PCOLCE2: variants seen among roughly 807,000 people sequenced by gnomAD.
PCOLCE2 encodes procollagen C-endopeptidase enhancer 2, also known as procollagen C-proteinase enhancer 2.
Under a neutral mutation model 47.0 loss-of-function variants are expected in PCOLCE2, and 42 were observed. The ratio of observed to expected loss-of-function variants is 0.89; its 90% CI spans 0.70 to 1.16. The LOEUF is 1.16. Among genes scored for constraint, PCOLCE2 ranks in the 50% most tolerant of loss-of-function variants. The pLI, the probability that PCOLCE2 is intolerant of heterozygous loss-of-function variation, is 0.00. For synonymous variants in PCOLCE2, 169 were observed against 191.7 expected (o/e 0.88, Z 0.98); for missense variants, 500 against 526.1 (o/e 0.95, Z 0.49).
chr3:142,827,972 C>T (rs561724322), intron 6 of PCOLCE2, among the ~76,000 whole-genome samples: 1 of 152,320 alleles, frequency 6.6e-6, no homozygotes, highest in Non-Finnish European at 1.5e-5. Flanking sequence ...CCTCCCTAGT[C>T]CAATGAATCA....
intron 2 of PCOLCE2, among the ~76,000 whole-genome samples, chr3:142,877,955 A>G (rs1234987118): frequency 6.6e-6 from 1 of 152,210 alleles, no homozygotes; most frequent in Non-Finnish European, 1.5e-5. Flanking sequence ...ATTTATTTGG[A>G]GGAGCTCAAC....
intron 2 of PCOLCE2, among the ~76,000 whole-genome samples, chr3:142,865,797 T>C (rs1314826359): frequency 6.6e-6 from 1 of 152,248 alleles, no homozygotes; most frequent in African/African-American, 2.4e-5. Context: ...ATAATTTGTG[T>C]GACTGGATAG....
chr3:142,836,112 CT>C (rs1937200656), intron 5 of PCOLCE2, among the ~76,000 whole-genome samples: 1 of 152,132 alleles, frequency 6.6e-6, no homozygotes, highest in Non-Finnish European at 1.5e-5. Context: ...AATTCTTGAC[CT>C]GTTTTTTTGG....
At chr3:142,876,940 A>T (rs1933507752) in intron 2 of PCOLCE2, among the ~76,000 whole-genome samples, 1 of 152,318 alleles carries the variant, frequency 6.6e-6, no homozygotes, top group Admixed American at 6.5e-5. Context: ...TTGGAGACTC[A>T]CCAGCACAAC....
intron 2 of PCOLCE2, among the ~76,000 whole-genome samples, chr3:142,848,689 T>G (rs1937356659): frequency 6.6e-6 from 1 of 152,194 alleles, no homozygotes; most frequent in Non-Finnish European, 1.5e-5. Context: ...TTCTCCAGGA[T>G]TCACAATCTT....
intron 2 of PCOLCE2, among the ~76,000 whole-genome samples, chr3:142,858,382 T>A (rs1933111297): frequency 6.6e-6 from 1 of 152,234 alleles, no homozygotes; most frequent in South Asian, 2.1e-4. Flanking sequence ...TATCTTCATA[T>A]ATTTTGGTCT....
chr3:142,851,146 G>A (rs925649922), intron 2 of PCOLCE2, among the ~76,000 whole-genome samples: 1 of 152,120 alleles, frequency 6.6e-6, no homozygotes, highest in Non-Finnish European at 1.5e-5. Context: ...AAGGTCATCA[G>A]CAGCAAATGT....
chr3:142,844,415 A>G (rs1377127921), intron 3 of PCOLCE2, among the ~76,000 whole-genome samples: 3 of 152,198 alleles, frequency 2.0e-5, no homozygotes, highest in Non-Finnish European at 4.4e-5. Flanking sequence ...TTTCTCTTAT[A>G]TAAATACCCA....
At chr3:142,818,582 T>C (rs536281064) in intron 8 of PCOLCE2, 117 bp from the exon 9 acceptor site, 1 of 801,332 alleles carries the variant, frequency 1.2e-6, no homozygotes, top group Non-Finnish European at 2.1e-6. Context: ...AGATTATACA[T>C]GTATTCCATC....
chr3:142,860,885 C>T (rs969983381), intron 2 of PCOLCE2, among the ~76,000 whole-genome samples: 3 of 152,206 alleles, frequency 2.0e-5, no homozygotes, highest in Non-Finnish European at 2.9e-5. Context: ...ACTCTCAAGG[C>T]CTGCAGCACA....
At chr3:142,824,919 C>A (rs925615411) in intron 6 of PCOLCE2, among the ~76,000 whole-genome samples, 1 of 152,152 alleles carries the variant, frequency 6.6e-6, no homozygotes, top group African/African-American at 2.4e-5. Context: ...TAAGCCACCG[C>A]GCCCAGCCTA....
At chr3:142,826,271 T>C (rs1346369898) in intron 6 of PCOLCE2, among the ~76,000 whole-genome samples, 1 of 152,146 alleles carries the variant, frequency 6.6e-6, no homozygotes, top group African/African-American at 2.4e-5. Context: ...CCTCCCAAAG[T>C]TCTGGGATTA....
At chr3:142,852,221 C>G (rs1932957297) in intron 2 of PCOLCE2, among the ~76,000 whole-genome samples, 1 of 152,126 alleles carries the variant, frequency 6.6e-6, no homozygotes, top group African/African-American at 2.4e-5. Flanking sequence ...TATGACACAA[C>G]ATCCGTTCTT....
intron 2 of PCOLCE2, among the ~76,000 whole-genome samples, chr3:142,877,074 T>C (rs1933511061): frequency 6.6e-6 from 1 of 152,240 alleles, no homozygotes; most frequent in Non-Finnish European, 1.5e-5. Context: ...CTTTACTTAA[T>C]TTATGTAATT....
At chr3:142,821,637 C>T (rs1174289958) in intron 7 of PCOLCE2, among the ~76,000 whole-genome samples, 2 of 151,836 alleles carry the variant, frequency 1.3e-5, no homozygotes, top group African/African-American at 4.8e-5. Flanking sequence ...CTTTCTTATC[C>T]ACTCCGTTTA....
intron 2 of PCOLCE2, among the ~76,000 whole-genome samples, chr3:142,859,196 G>T (rs2108202834): frequency 6.6e-6 from 1 of 152,050 alleles, no homozygotes; most frequent in Non-Finnish European, 1.5e-5. Flanking sequence ...CCAAGTAGGT[G>T]GGACTACAGG....
intron 2 of PCOLCE2, among the ~76,000 whole-genome samples, chr3:142,874,111 C>A (rs184628815): frequency 5.3e-5 from 8 of 152,290 alleles, no homozygotes; most frequent in African/African-American, 1.9e-4. Flanking sequence ...GAGTCTCACT[C>A]TGTTGCCAGG....
intron 5 of PCOLCE2, among the ~76,000 whole-genome samples, chr3:142,837,859 G>C (rs1937221984): frequency 6.6e-6 from 1 of 152,196 alleles, no homozygotes; most frequent in Non-Finnish European, 1.5e-5. Flanking sequence ...ATAAATGTTT[G>C]TTGAATAAAT....
intron 5 of PCOLCE2, among the ~76,000 whole-genome samples, chr3:142,830,696 T>A (rs1937141701): frequency 6.6e-6 from 1 of 152,342 alleles, no homozygotes; most frequent in Middle Eastern, 3.4e-3. Context: ...TCTTAGGGGA[T>A]TACTATATTA....
Sources: gnomAD v4.1 joint callset for allele counts (sites outside exome capture counted in the v4.1 genomes callset) on GRCh38, gnomAD v4.1.1 for gene constraint, MANE v1.5 for transcripts, NCBI Gene and HGNC (gene_info 2026-07-23, HGNC 2026-07-21) for gene names.